SLC28A1: variants seen among roughly 807,000 people sequenced by gnomAD.
SLC28A1 encodes sodium/nucleoside cotransporter 1.
A neutral mutation model predicts 74.8 loss-of-function variants in SLC28A1; 64 were observed. The observed-to-expected ratio is 0.86, with a 90% CI of 0.70 to 1.05. The LOEUF (loss-of-function observed/expected upper bound fraction) is 1.05. SLC28A1 is among the 50% of genes least tolerant of loss of function. The pLI is 0.00. For synonymous variants in SLC28A1, 359 were observed against 335.0 expected (o/e 1.07, Z -0.78); for missense variants, 828 against 822.8 (o/e 1.01, Z -0.08).
the SLC28A1 span, among the ~76,000 whole-genome samples, chr15:84,967,248 T>C: frequency 6.6e-6 from 1 of 152,206 alleles, no homozygotes; most frequent in African/African-American, 2.4e-5. Context: ...GTGTTAGTCC[T>C]GAAAAGTTAA....
downstream of SLC28A1, among the ~76,000 whole-genome samples, chr15:84,949,709 C>A (rs934743982): frequency 6.6e-6 from 1 of 151,902 alleles, no homozygotes; most frequent in African/African-American, 2.4e-5. Context: ...CTGTGCCCAG[C>A]CTTAGGAAGG....
At chr15:84,922,788 C>T (rs537887768) in intron 11 of SLC28A1, among the ~76,000 whole-genome samples, 1 of 152,228 alleles carries the variant, frequency 6.6e-6, no homozygotes, top group South Asian at 2.1e-4. Flanking sequence ...GGCTTTTGGA[C>T]CTTGCAGAGC....
Position 84,944,814 on chromosome 15 carries a change from C to G in SLC28A1, c.1821C>G (p.Thr607=), listed in dbSNP as rs17222267. 13 of 1,614,132 alleles carry G rather than the reference C, an allele frequency of 8.1e-6. No individual in the cohort carries two copies. The Admixed American group carries it at 2.2e-4, about 27-fold the overall frequency. The change falls in exon 18 of 19, where the codon ACC becomes ACG. Residue 607 remains threonine (T), a synonymous_variant. Transcript: ENST00000394573. The part of the protein sequence containing the change: ...EVDCMSLLNT[T]LSSSSFEIYQ... ...ACTGCATGTCCCTCTTGAACACGAC[C>G]CTCAGCAGCAGTAGCTTTGAGATTT...
the SLC28A1 span, among the ~76,000 whole-genome samples, chr15:84,957,036 A>G: frequency 6.6e-6 from 1 of 151,560 alleles, no homozygotes; most frequent in Non-Finnish European, 1.5e-5. Context: ...TTTCTTTTTA[A>G]CTGTCATTAT....
At chr15:84,909,254 C>T (rs1049158001) in intron 9 of SLC28A1, among the ~76,000 whole-genome samples, 1 of 152,124 alleles carries the variant, frequency 6.6e-6, no homozygotes. Context: ...GCCACCTCTG[C>T]CAGGAAGCCA....
chr15:84,903,105 A>G (rs1165188532), intron 6 of SLC28A1, among the ~76,000 whole-genome samples: 4 of 152,254 alleles, frequency 2.6e-5, no homozygotes, highest in African/African-American at 9.6e-5. Flanking sequence ...GCACAAAAAC[A>G]AGGCAAAGAT....
the SLC28A1 span, among the ~76,000 whole-genome samples, chr15:84,954,855 A>G: frequency 6.6e-6 from 1 of 152,142 alleles, no homozygotes; most frequent in Non-Finnish European, 1.5e-5. Context: ...AGTCAGATCT[A>G]TGTCCTCTCC....
At chr15:84,916,755 C>T (rs1347654597) in intron 9 of SLC28A1, among the ~76,000 whole-genome samples, 1 of 152,172 alleles carries the variant, frequency 6.6e-6, no homozygotes, top group Non-Finnish European at 1.5e-5. Flanking sequence ...CAACTGGGCA[C>T]AGTGGCTCAC....
downstream of SLC28A1, among the ~76,000 whole-genome samples, chr15:84,946,108 A>ATTTTTTTTTTTT (rs1567196454): frequency 9.0e-5 from 1 of 11,126 alleles, no homozygotes; most frequent in East Asian, 2.7e-3. Context: ...ATATATATAT[A>ATTTTTTTTTTTT]TATATTTTTT....
rs1964378477 is a variant in SLC28A1, at chr15:84,884,664, A to G, written c.-220A>G. ...CTTGTTGTAGAGATTAGGGCCCACA[A>G]CGATGTGAAGGTTATAAGCTGCACT... On this transcript the variant is annotated 5_prime_UTR_variant, in exon 1 of 19. Transcript: ENST00000394573. The G allele has an allele frequency of 1.0e-6, 1 of 976,612 alleles. No individual in the cohort carries two copies. The highest frequency in any genetic ancestry group is 1.7e-5 in the African/African-American group (1 of 57,150). The allele number at this position is 976,612 out of a possible 1,614,324, so 60.5% of individuals were successfully genotyped here.
intron 9 of SLC28A1, among the ~76,000 whole-genome samples, chr15:84,917,582 C>T (rs1411067460): frequency 6.6e-6 from 1 of 151,512 alleles, no homozygotes; most frequent in African/African-American, 2.4e-5. Context: ...CTACCCCCCA[C>T]CCCCTTCTTA....
At chr15:84,967,247 C>T in the SLC28A1 span, among the ~76,000 whole-genome samples, 1 of 152,172 alleles carries the variant, frequency 6.6e-6, no homozygotes, top group Admixed American at 6.5e-5. Flanking sequence ...GGTGTTAGTC[C>T]TGAAAAGTTA....
At chr15:84,920,399 T>C (rs1335577521) in intron 10 of SLC28A1, among the ~76,000 whole-genome samples, 2 of 149,592 alleles carry the variant, frequency 1.3e-5, no homozygotes, top group Non-Finnish European at 3.0e-5. Flanking sequence ...TGAGCCAAGA[T>C]TGTGCCACCG....
At chr15:84,957,203 T>C in the SLC28A1 span, among the ~76,000 whole-genome samples, 1 of 152,196 alleles carries the variant, frequency 6.6e-6, no homozygotes, top group Non-Finnish European at 1.5e-5. Context: ...AAGAATATTG[T>C]CATCACCCGA....
At chr15:84,905,485 C>T in intron 7 of SLC28A1, 54 bp from the exon 8 acceptor site, 1 of 1,275,200 alleles carries the variant, frequency 7.8e-7, no homozygotes, top group Non-Finnish European at 1.1e-6. Context: ...CCACCCGGCT[C>T]CCTGCCCATC....
chr15:84,942,528 G>C (rs1972828124), intron 15 of SLC28A1, among the ~76,000 whole-genome samples: 1 of 152,130 alleles, frequency 6.6e-6, no homozygotes, highest in South Asian at 2.1e-4. Context: ...TGTCTGCCTG[G>C]TGTTTCCCAT....
the SLC28A1 span, among the ~76,000 whole-genome samples, chr15:84,959,291 G>A: frequency 7.2e-5 from 11 of 151,734 alleles, no homozygotes; most frequent in Non-Finnish European, 1.3e-4. Flanking sequence ...TTTTTATAGA[G>A]ATGGGGTTTT....
chr15:84,949,565 ATT>A (rs11318236), downstream of SLC28A1, among the ~76,000 whole-genome samples: 238 of 103,848 alleles, frequency 2.3e-3, no homozygotes, highest in Middle Eastern at 4.8e-3. Context: ...TGCCCGGCTA[ATT>A]TTTTTTTTTT....
At chr15:84,934,941 G>A in intron 13 of SLC28A1, 85 bp from the exon 14 acceptor site, 1 of 1,133,220 alleles carries the variant, frequency 8.8e-7, no homozygotes, top group Non-Finnish European at 1.3e-6. Context: ...TGCTCTTCCA[G>A]GGTTCCTATT....
Sources: gnomAD v4.1 joint callset for allele counts (sites outside exome capture counted in the v4.1 genomes callset) on GRCh38, gnomAD v4.1.1 for gene constraint, MANE v1.5 for transcripts, NCBI Gene and HGNC (gene_info 2026-07-23, HGNC 2026-07-21) for gene names.